NPFFR1: variants seen among roughly 807,000 people sequenced by gnomAD.
NPFFR1 encodes the protein neuropeptide FF receptor 1.
A neutral mutation model predicts 12.7 loss-of-function variants in NPFFR1; 17 were observed. The observed-to-expected ratio is 1.34, with a 90% CI of 0.92 to 2.01. The LOEUF (loss-of-function observed/expected upper bound fraction) is 2.01, where lower values mean the gene tolerates loss of function less well. NPFFR1 is among the 30% of genes most tolerant of loss of function. NPFFR1 has a pLI of 0.00. For missense variants in NPFFR1, 604 were observed against 606.5 expected (o/e 1.00, Z 0.04); for synonymous variants, 296 against 264.5 (o/e 1.12, Z -1.16).
At chr10:70,277,886 A>G (rs1430926434) in intron 1 of NPFFR1, 4 of 509,706 alleles carry the variant, frequency 7.8e-6, no homozygotes, top group South Asian at 1.4e-5. Context: ...AACCATAGCA[A>G]CTCTGCAGGG....
At chr10:70,267,089 T>C (rs1840701957) in intron 1 of NPFFR1, among the ~76,000 whole-genome samples, 1 of 152,240 alleles carries the variant, frequency 6.6e-6, no homozygotes, top group South Asian at 2.1e-4. Context: ...CCATTTGTTT[T>C]CTGCTGGGAC....
In NPFFR1 at chr10:70,254,298, T is replaced by A. The variant is rs1320355839; in HGVS notation, c.*659A>T. The A allele has an allele frequency of 1.3e-5, 2 of 152,244 alleles. No homozygotes were observed. The highest frequency in any genetic ancestry group is 2.4e-5 in the African/African-American group (1 of 41,458). The allele number at this position is 152,244 out of a possible 1,614,324, so 9.4% of individuals were successfully genotyped here. The stretch of plus-strand genomic sequence containing the variant: ...AAGGCTCGTTCTGAAGCTGCCGTCC[T>A]CTGAGGACAATGGCTTCTTGGAACT... On this transcript the variant is annotated 3_prime_UTR_variant, in exon 4 of 4. Transcript: ENST00000277942.
At chr10:70,283,580 C>T (rs1840884535) in intron 1 of NPFFR1, 90 bp downstream of exon 1, 2 of 1,268,094 alleles carry the variant, frequency 1.6e-6, no homozygotes, top group South Asian at 1.3e-5. Flanking sequence ...CATGGGTGAT[C>T]AGCTGCCCGG....
rs111951575 is a variant in NPFFR1, at chr10:70,259,290, C to CAAA, written c.422+1347_422+1349dup. On this transcript the variant is annotated intron_variant, in intron 3 of 3. Transcript: ENST00000277942. ...CAGAGCAAGACTCTGTCTCCCCCCT[C>CAAA]AAAAAAAAAAAAGAAAGAAAGAAAG... Among the ~76,000 whole-genome samples the CAAA allele has an allele frequency of 2.3e-5, 3 of 131,190 alleles. 1 individual carries two copies. The highest frequency in any genetic ancestry group is 3.3e-5 in the Non-Finnish European group (2 of 60,532). 86.1% of individuals were successfully genotyped at this position (131,190 alleles called of 152,430 possible).
intron 1 of NPFFR1, among the ~76,000 whole-genome samples, chr10:70,281,112 C>A (rs1840857123): frequency 6.6e-6 from 1 of 152,230 alleles, no homozygotes; most frequent in Non-Finnish European, 1.5e-5. Context: ...TGCTCTCTGC[C>A]TGCCACATCC....
intron 2 of NPFFR1, among the ~76,000 whole-genome samples, chr10:70,263,209 A>C (rs1170816762): frequency 2.0e-5 from 3 of 152,182 alleles, no homozygotes; most frequent in Non-Finnish European, 4.4e-5. Context: ...CCCCTGTGGA[A>C]CTATACACTT....
intron 1 of NPFFR1, among the ~76,000 whole-genome samples, chr10:70,267,323 T>C (rs1257683061): frequency 6.6e-6 from 1 of 152,186 alleles, no homozygotes; most frequent in Admixed American, 6.5e-5. Context: ...TCTGCCTGCA[T>C]AGCATTTAAC....
At position 70,249,176 on chromosome 10, in the gene NPFFR1, A is replaced by G. The variant is rs1840484493; in HGVS notation, c.*5781T>C. 6.6e-6 allele frequency: 1 copy of G among 152,150 alleles called. No homozygotes were observed. The highest frequency in any genetic ancestry group is 2.4e-5 in the African/African-American group (1 of 41,438). The allele number at this position is 152,150 out of a possible 1,614,324, so 9.4% of individuals were successfully genotyped here. Reference sequence around the variant, plus strand: ...CACTTTGGGAGGCCGAGGCGGGCAGATCATCTGAGGTCAGGAGTTCAAGAC... The same window carrying G: ...CACTTTGGGAGGCCGAGGCGGGCAGGTCATCTGAGGTCAGGAGTTCAAGAC... On this transcript the variant is annotated 3_prime_UTR_variant, in exon 4 of 4. Coordinates refer to ENST00000277942, the MANE Select transcript of NPFFR1 (RefSeq NM_022146.5).
At chr10:70,270,827 G>A (rs1009595846) in intron 1 of NPFFR1, among the ~76,000 whole-genome samples, 22 of 152,118 alleles carry the variant, frequency 1.4e-4, no homozygotes, top group African/African-American at 3.9e-4. Flanking sequence ...CCTTGAACCC[G>A]GTGAAGCCAT....
At position 70,254,580 on chromosome 10, in the gene NPFFR1, G is replaced by A; in HGVS notation, c.*377C>T. On this transcript the variant is annotated 3_prime_UTR_variant, in exon 4 of 4. Coordinates refer to ENST00000277942, the MANE Select transcript of NPFFR1 (RefSeq NM_022146.5). ...AGCTGGAGATGATAAAAACCACACA[G>A]GTATTGGAGTCAGATAGCTTCACAT... is the stretch of plus-strand genomic sequence containing the variant. 5.0e-6 allele frequency: 1 copy of A among 201,636 alleles called. No individual in the cohort carries two copies. Among genetic ancestry groups the A allele is most frequent in the Admixed American group, 6.0e-5 (1 of 16,572 alleles). The allele number at this position is 201,636 out of a possible 1,614,324, so 12.5% of individuals were successfully genotyped here. A position where few individuals can be genotyped will look rare whatever the true frequency, so the allele number is the denominator to read the frequency against.
chr10:70,249,421 A>C lies in NPFFR1; in HGVS notation c.*5536T>G, dbSNP rs1487549913. ...TCTCAAAAAAAAAAAAATTATATTCACAAAAAAATCCCTTAGAGTTAGGGC... is the reference window on the plus strand; with the variant it reads ...TCTCAAAAAAAAAAAAATTATATTCCCAAAAAAATCCCTTAGAGTTAGGGC... On this transcript the variant is annotated 3_prime_UTR_variant, in exon 4 of 4. Transcript: ENST00000277942. 1 of 151,688 alleles carries C rather than the reference A, an allele frequency of 6.6e-6. No individual in the cohort carries two copies. The highest frequency in any genetic ancestry group is 1.5e-5 in the Non-Finnish European group (1 of 67,940). 9.4% of individuals were successfully genotyped at this position (151,688 alleles called of 1,614,324 possible). A position where few individuals can be genotyped will look rare whatever the true frequency, so the allele number is the denominator to read the frequency against.
At chr10:70,280,456 T>C (rs1472010024) in intron 1 of NPFFR1, among the ~76,000 whole-genome samples, 1 of 152,232 alleles carries the variant, frequency 6.6e-6, no homozygotes, top group Non-Finnish European at 1.5e-5. Flanking sequence ...CATTGCGGTT[T>C]TAACTTGCAT....
chr10:70,279,167 T>C (rs1589916889), intron 1 of NPFFR1, among the ~76,000 whole-genome samples: 1 of 152,232 alleles, frequency 6.6e-6, no homozygotes, highest in African/African-American at 2.4e-5. Flanking sequence ...TTTTTTTGTA[T>C]GTGTGACCGA....
At chr10:70,277,293 A>G (rs1200967972) in intron 1 of NPFFR1, among the ~76,000 whole-genome samples, 3 of 152,228 alleles carry the variant, frequency 2.0e-5, no homozygotes, top group Non-Finnish European at 4.4e-5. Context: ...CCCAGAATCT[A>G]GACCATTTGT....
chr10:70,254,922 GC>G lies in NPFFR1; in HGVS notation c.*34del. 1 of 1,389,496 alleles carries G rather than the reference GC, an allele frequency of 7.2e-7. No homozygotes were observed. Among genetic ancestry groups the G allele is most frequent in the Middle Eastern group, 1.9e-4 (1 of 5,342 alleles). 86.1% of individuals were successfully genotyped at this position (1,389,496 alleles called of 1,614,324 possible). On this transcript the variant is annotated 3_prime_UTR_variant, in exon 4 of 4. Coordinates refer to ENST00000277942, the MANE Select transcript of NPFFR1 (RefSeq NM_022146.5). ...TGCATGTATCTCGTGTCCAATCGGG[GC>G]CCTGAGGCAGCGTCCCGCCCTCCCT...
In NPFFR1 at chr10:70,283,682, C is replaced by A. The variant is rs544355158; in HGVS notation, c.-6G>T. The A allele has an allele frequency of 5.5e-4, 838 of 1,535,662 alleles. 2 individuals carry two copies. The highest frequency in any genetic ancestry group is 7.1e-4 in the Admixed American group (36 of 50,998). ...CAGGACCACTCACCCTCCATGATGC[C>A]CCCAGTTGCGGGCTCCGGCGGTCTC... On this transcript the variant is annotated 5_prime_UTR_variant, in exon 1 of 4. Coordinates refer to ENST00000277942, the MANE Select transcript of NPFFR1 (RefSeq NM_022146.5).
chr10:70,277,129 T>A (rs1403710357), intron 1 of NPFFR1, among the ~76,000 whole-genome samples: 3 of 152,222 alleles, frequency 2.0e-5, no homozygotes, highest in African/African-American at 7.2e-5. Context: ...ATGGTCCCAA[T>A]GAGAACCAGG....
chr10:70,276,165 G>A (rs2136808880), intron 1 of NPFFR1, among the ~76,000 whole-genome samples: 1 of 152,296 alleles, frequency 6.6e-6, no homozygotes, highest in East Asian at 1.9e-4. Context: ...GACACTTTAT[G>A]AACAGTGCAT....
rs1394385891 is a variant in NPFFR1, at chr10:70,258,101, G to C, written c.423-2274C>G. 5.9e-5 allele frequency among the ~76,000 whole-genome samples: 9 copies of C among 152,146 alleles called. No individual in the cohort carries two copies. In the East Asian group the frequency reaches 1.7e-3, roughly 29 times the overall value. ...CAGGTCCTTGGTATGCAGAGCACCG[G>C]TCACCTGGGCCCACTGTTGTTTCTC... On this transcript the variant is annotated intron_variant, in intron 3 of 3. Transcript: ENST00000277942.
Sources: gnomAD v4.1 joint callset for allele counts (sites outside exome capture counted in the v4.1 genomes callset) on GRCh38, gnomAD v4.1.1 for gene constraint, MANE v1.5 for transcripts, NCBI Gene and HGNC (gene_info 2026-07-23, HGNC 2026-07-21) for gene names.